STPG2: variants seen among roughly 807,000 people sequenced by gnomAD.
The protein encoded by STPG2 is sperm tail PG-rich repeat containing 2.
STPG2 carries 56 observed loss-of-function variants against 54.2 expected under a neutral mutation model. That is an observed-to-expected ratio of 1.03 (90% CI 0.83 to 1.29). The LOEUF (loss-of-function observed/expected upper bound fraction) is 1.29, where lower values mean the gene tolerates loss of function less well. Ranked by LOEUF, STPG2 falls within the 50% of genes most tolerant of loss-of-function variation. The pLI is 0.00. For missense variants in STPG2, 596 were observed against 544.9 expected, an observed-to-expected ratio of 1.09 and a Z score of -0.93; for synonymous variants, 200 against 181.8, an observed-to-expected ratio of 1.10 and a Z score of -0.81.
intron 8 of STPG2, among the ~76,000 whole-genome samples, chr4:97,938,717 C>T (rs1268450418): frequency 1.3e-5 from 2 of 152,280 alleles, no homozygotes; most frequent in Middle Eastern, 3.4e-3. Context: ...GTGCCCCTTA[C>T]CCCATGTGGC....
At chr4:98,118,420 T>C (rs1258285608) in intron 3 of STPG2, among the ~76,000 whole-genome samples, 1 of 152,066 alleles carries the variant, frequency 6.6e-6, no homozygotes, top group African/African-American at 2.4e-5. Context: ...AGCAAATAGG[T>C]ACATAATTCT....
At chr4:97,451,543 A>C (rs1367135598) in intron 4 of STPG2, among the ~76,000 whole-genome samples, 1 of 152,188 alleles carries the variant, frequency 6.6e-6, no homozygotes, top group Admixed American at 6.5e-5. Context: ...ATTCAAAACT[A>C]TTTAAAGACA....
chr4:97,617,191 T>C (rs1189742022), intron 10 of STPG2, among the ~76,000 whole-genome samples: 2 of 151,830 alleles, frequency 1.3e-5, no homozygotes, highest in Non-Finnish European at 2.9e-5. Context: ...AGGATTTCTG[T>C]CTGTTTTGTT....
At chr4:97,903,054 A>G (rs758114065) in intron 8 of STPG2, among the ~76,000 whole-genome samples, 5 of 152,230 alleles carry the variant, frequency 3.3e-5, no homozygotes, top group Non-Finnish European at 5.9e-5. Context: ...GATGGTTACT[A>G]GGAGTCAGGA....
chr4:97,494,546 A>T (rs2148829238), intron 4 of STPG2, among the ~76,000 whole-genome samples: 1 of 151,696 alleles, frequency 6.6e-6, no homozygotes, highest in East Asian at 2.0e-4. Context: ...TGATAAATGG[A>T]GGGCAAATAA....
chr4:97,506,839 A>C (rs1477256942), intron 4 of STPG2, among the ~76,000 whole-genome samples: 1 of 152,074 alleles, frequency 6.6e-6, no homozygotes, highest in Non-Finnish European at 1.5e-5. Flanking sequence ...TTTCAAATGC[A>C]GCAAGAAAAA....
At chr4:97,618,898 T>G (rs976872053) in intron 10 of STPG2, among the ~76,000 whole-genome samples, 5 of 152,136 alleles carry the variant, frequency 3.3e-5, no homozygotes, top group Non-Finnish European at 5.9e-5. Flanking sequence ...TAGATATAAG[T>G]GGGGTGTAAA....
chr4:97,833,409 G>C (rs2149114407), intron 9 of STPG2, among the ~76,000 whole-genome samples: 1 of 152,132 alleles, frequency 6.6e-6, no homozygotes, highest in East Asian at 1.9e-4. Context: ...AACCCCAGAA[G>C]AAAACCTAGG....
In STPG2 at chr4:97,809,337, T is replaced by A. The variant is rs139844716; in HGVS notation, c.1204+31436A>T. Among the ~76,000 whole-genome samples, 163 of 152,244 alleles carry A rather than the reference T, an allele frequency of 1.1e-3. 3 individuals carry two copies. In the East Asian group the frequency reaches 0.027, roughly 25 times the overall value. ...GTAAACTAGTTGTGACAGGCAGAAT[T>A]CTAAAGAAACCCCCCCAAGATTCCC... On this transcript the variant is annotated intron_variant, in intron 9 of 10. Transcript: ENST00000295268.
Position 97,972,260 on chromosome 4 carries a change from T to C in STPG2, c.933+20A>G, listed in dbSNP as rs1418419651. ...TTGATATTCAACATAAAGAATATTA[T>C]TTTTGTATGAATGTATTACCTGATA... On this transcript the variant is annotated intron_variant, in intron 7 of 10. Coordinates refer to ENST00000295268, the MANE Select transcript of STPG2 (RefSeq NM_174952.3). 4 of 1,487,020 alleles carry C rather than the reference T, an allele frequency of 2.7e-6. No homozygotes were observed. In the East Asian group the frequency reaches 9.4e-5, roughly 35 times the overall value. 92.1% of individuals were successfully genotyped at this position (1,487,020 alleles called of 1,614,324 possible). A position where few individuals can be genotyped will look rare whatever the true frequency, so the allele number is the denominator to read the frequency against.
intron 9 of STPG2, among the ~76,000 whole-genome samples, chr4:97,757,388 T>C (rs1341242363): frequency 2.0e-5 from 3 of 152,186 alleles, no homozygotes; most frequent in Non-Finnish European, 4.4e-5. Flanking sequence ...CAAGATGAGA[T>C]ACTGTGATTA....
intron 5 of STPG2, among the ~76,000 whole-genome samples, chr4:98,013,909 AAAAC>A (rs1735841019): frequency 6.6e-6 from 1 of 151,808 alleles, no homozygotes; most frequent in African/African-American, 2.4e-5. Flanking sequence ...TAATTTTTTC[AAAAC>A]AAACAGCTCC....
intron 9 of STPG2, among the ~76,000 whole-genome samples, chr4:97,738,338 C>T (rs1725092955): frequency 6.6e-6 from 1 of 152,148 alleles, no homozygotes. Context: ...ATTAAAATGA[C>T]AGGATCAAAT....
chr4:97,724,938 C>T (rs1304844141), intron 9 of STPG2, among the ~76,000 whole-genome samples: 1 of 151,992 alleles, frequency 6.6e-6, no homozygotes, highest in Non-Finnish European at 1.5e-5. Context: ...TGAAAGAGTA[C>T]AGTACAGAAA....
At chr4:98,029,751 A>C (rs1157330338) in intron 5 of STPG2, among the ~76,000 whole-genome samples, 2 of 152,156 alleles carry the variant, frequency 1.3e-5, no homozygotes, top group African/African-American at 2.4e-5. Context: ...TTCAAGTATT[A>C]TTTGATCTGC....
chr4:97,711,745 C>T (rs909833045), intron 10 of STPG2, among the ~76,000 whole-genome samples: 1 of 150,446 alleles, frequency 6.6e-6, no homozygotes, highest in African/African-American at 2.4e-5. Flanking sequence ...TTTTGGCCCA[C>T]TGCAAACTCT....
At chr4:97,803,306 T>C (rs762117111) in intron 9 of STPG2, among the ~76,000 whole-genome samples, 10 of 152,216 alleles carry the variant, frequency 6.6e-5, no homozygotes, top group Non-Finnish European at 1.5e-4. Context: ...AGTTACTCCA[T>C]GTATTTCAAA....
intron 4 of STPG2, among the ~76,000 whole-genome samples, chr4:97,447,910 C>G (rs1729267002): frequency 6.6e-6 from 1 of 152,120 alleles, no homozygotes; most frequent in Non-Finnish European, 1.5e-5. Context: ...GGTCTACTGA[C>G]AGCTTGCACC....
At position 97,840,916 on chromosome 4, in the gene STPG2, C is replaced by T. The variant is rs1261700850; in HGVS notation, c.1061G>A (p.Gly354Asp). 3.1e-6 allele frequency: 5 copies of T among 1,610,488 alleles called. No individual in the cohort carries two copies. The African/African-American group carries it at 5.4e-5, about 17-fold the overall frequency. Residue 354 changes from glycine (G) to aspartate (D), a missense_variant, in exon 9 of 11, where the codon GGC becomes GAC. Transcript: ENST00000295268. Reference protein sequence around the residue: ...KVPDMVIPAPGSYDVHKSYEM... With the variant: ...KVPDMVIPAPDSYDVHKSYEM... ...ATATGATTTGTGAACATCATAGCTG[C>T]CTGGCGCTGGAATAACCTGAAAAAA...
Sources: allele counts gnomAD v4.1 joint callset (sites outside exome capture counted in the v4.1 genomes callset), GRCh38; gene constraint gnomAD v4.1.1; transcripts MANE v1.5; gene names NCBI Gene and HGNC (gene_info 2026-07-23, HGNC 2026-07-21).